Variants in SMARCE1 observed in about 807,000 individuals in gnomAD.
The protein encoded by SMARCE1 is SWI/SNF related BAF chromatin remodeling complex subunit E1.
A neutral mutation model predicts 54.9 loss-of-function variants in SMARCE1; 13 were observed. That is an observed-to-expected ratio of 0.24 (90% confidence interval 0.15 to 0.38). SMARCE1 has a LOEUF of 0.38. Among genes scored for constraint, SMARCE1 ranks in the 10% least tolerant of loss-of-function variants. SMARCE1 has a pLI of 1.00. For missense variants in SMARCE1, 295 were observed against 523.8 expected (o/e 0.56, Z 4.26); for synonymous variants, 151 against 175.3 (o/e 0.86, Z 1.10).
chr17:40,646,676 T>C (rs894041783), intron 1 of SMARCE1, among the ~76,000 whole-genome samples: 5 of 152,222 alleles, frequency 3.3e-5, no homozygotes, highest in African/African-American at 1.2e-4. Flanking sequence ...ACATGTGAGC[T>C]TGTTCTTTAC....
chr17:40,631,015 A>C, intron 9 of SMARCE1, 91 bp from the exon 10 acceptor site: 1 of 945,130 alleles, frequency 1.1e-6, no homozygotes, highest in East Asian at 2.6e-5. Context: ...TCTTGCCTAT[A>C]AACTATATAT....
intron 10 of SMARCE1, 76 bp from the exon 11 acceptor site, chr17:40,629,069 C>T: frequency 8.0e-7 from 1 of 1,250,558 alleles, no homozygotes. Context: ...TACAGCTGTG[C>T]TGTCCAATAT....
rs2037042788 is a variant in SMARCE1 at position 40,627,014 on chromosome 17, A to T, written c.*1771T>A. The T allele has an allele frequency of 6.6e-6, 1 of 152,204 alleles. No homozygotes were observed. Among genetic ancestry groups the T allele is most frequent in the Non-Finnish European group, 1.5e-5 (1 of 68,048 alleles). 9.4% of individuals were successfully genotyped at this position (152,204 alleles called of 1,614,324 possible). A position where few individuals can be genotyped will look rare whatever the true frequency, so the allele number is the denominator to read the frequency against. On this transcript the variant is annotated 3_prime_UTR_variant, in exon 11 of 11. Coordinates refer to ENST00000348513, the MANE Select transcript of SMARCE1 (RefSeq NM_003079.5). The stretch of plus-strand genomic sequence containing the variant: ...CTTAGAGCTTTCGATACCACAGTAA[A>T]TAACCTGGTATCTTGCTGGGGCAGT...
chr17:40,630,047 T>C, intron 10 of SMARCE1: 1 of 456,020 alleles, frequency 2.2e-6, no homozygotes, highest in Non-Finnish European at 3.9e-6. Context: ...TTGGTTTTGT[T>C]TTCCATAACT....
intron 9 of SMARCE1, 33 bp from the exon 10 acceptor site, chr17:40,630,957 T>C: frequency 1.3e-6 from 2 of 1,565,944 alleles, no homozygotes; most frequent in Non-Finnish European, 1.7e-6. Context: ...CCGTAATGTT[T>C]TTTCCTTATA....
chr17:40,645,196 CAT>C (rs2037242667), intron 3 of SMARCE1: 1 of 323,284 alleles, frequency 3.1e-6, no homozygotes, highest in African/African-American at 2.1e-5. Flanking sequence ...GAGAGAAAAA[CAT>C]AACCAGTTGA....
intron 10 of SMARCE1, chr17:40,629,204 T>G (rs978234464): frequency 1.1e-5 from 6 of 551,054 alleles, no homozygotes; most frequent in African/African-American, 7.5e-5. Flanking sequence ...TGAATGAAAT[T>G]TATTAAATAA....
chr17:40,634,350 C>A (rs1274884785), intron 7 of SMARCE1: 1 of 152,442 alleles, frequency 6.6e-6, no homozygotes, highest in Non-Finnish European at 1.5e-5. Context: ...CCAGGCTGGT[C>A]TCAAACTCTT....
intron 10 of SMARCE1, chr17:40,630,359 A>C: frequency 1.4e-6 from 1 of 725,358 alleles, no homozygotes. Flanking sequence ...ACTCAACTAT[A>C]CTGTTTTATC....
intron 10 of SMARCE1, chr17:40,630,322 G>A (rs766344935): frequency 1.6e-5 from 15 of 910,712 alleles, no homozygotes; most frequent in Middle Eastern, 2.1e-4. Flanking sequence ...TTTAGACTTC[G>A]CAGGCCAGGC....
At chr17:40,645,914 C>T in intron 1 of SMARCE1, 67 bp from the exon 2 acceptor site, 2 of 486,556 alleles carry the variant, frequency 4.1e-6, no homozygotes, top group Non-Finnish European at 7.0e-6. Context: ...GAATGTTTTC[C>T]TAATGAATAG....
rs2037204710 is a variant in SMARCE1 at position 40,642,044 on chromosome 17, C to T, written c.156+411G>A. 4.1e-6 allele frequency: 1 copy of T among 246,312 alleles called. No individual in the cohort carries two copies. Among genetic ancestry groups the T allele is most frequent in the Non-Finnish European group, 7.6e-6 (1 of 131,226 alleles). 15.3% of individuals were successfully genotyped at this position (246,312 alleles called of 1,614,324 possible). A position where few individuals can be genotyped will look rare whatever the true frequency, so the allele number is the denominator to read the frequency against. ...AACTGGTGTACCAGCCAAAAGCTTT[C>T]CAGCCCTGAAAAAGCCAGGTCTGAA... is the stretch of plus-strand genomic sequence containing the variant. On this transcript the variant is annotated intron_variant, in intron 4 of 10. Transcript: ENST00000348513. This position sits in a 1 kb window ranked among gnomAD's most constrained non-coding sequence, Gnocchi z 4.6.
chr17:40,633,517 C>T (rs1381083209), intron 7 of SMARCE1: 1 of 152,086 alleles, frequency 6.6e-6, no homozygotes, highest in Non-Finnish European at 1.5e-5. Context: ...ACTTAATCAC[C>T]TCAGTGACCC....
At position 40,628,880 on chromosome 17, in the gene SMARCE1, C is replaced by T; in HGVS notation, c.1141G>A (p.Gly381Arg). Residue 381 changes from glycine (G) to arginine (R), a missense_variant, in exon 11 of 11, where the codon GGA becomes AGA. By Grantham distance (125) the Gly-to-Arg change is moderately radical. Coordinates refer to ENST00000348513, the MANE Select transcript of SMARCE1 (RefSeq NM_003079.5). ...GAGCCAGTGTTACTATCACTGGTTC[C>T]TTCCTCTGCCATACTGTCGACCCCC... ...QEGVDSMAEE[G>R]TSDSNTGSES... The T allele has an allele frequency of 1.9e-6, 3 of 1,613,764 alleles. No homozygotes were observed. Among genetic ancestry groups the T allele is most frequent in the Non-Finnish European group, 2.5e-6 (3 of 1,179,758 alleles).
rs2037052406 is a variant in SMARCE1, at chr17:40,627,988, G to C, written c.*797C>G. 1 of 152,610 alleles carries C rather than the reference G, an allele frequency of 6.6e-6. No homozygotes were observed. The highest frequency in any genetic ancestry group is 2.1e-4 in the South Asian group (1 of 4,834). 9.5% of individuals were successfully genotyped at this position (152,610 alleles called of 1,614,324 possible). ...TTTTTCTTCTGGAATGGGCTAATCA[G>C]TTTGAATTATCTAGTCCATTACAAG... is the stretch of plus-strand genomic sequence containing the variant. On this transcript the variant is annotated 3_prime_UTR_variant, in exon 11 of 11. Transcript: ENST00000348513.
intron 5 of SMARCE1, chr17:40,636,782 A>G: frequency 3.1e-6 from 1 of 321,436 alleles, no homozygotes; most frequent in Non-Finnish European, 5.8e-6. Flanking sequence ...ATAAGCAAGA[A>G]TATCTCCAAT....
At chr17:40,640,379 G>C (rs900517528) in intron 4 of SMARCE1, among the ~76,000 whole-genome samples, 3 of 152,160 alleles carry the variant, frequency 2.0e-5, no homozygotes, top group African/African-American at 7.2e-5. Context: ...GCTATACAAA[G>C]TATTTACTGT....
At position 40,636,058 on chromosome 17, in the gene SMARCE1, C is replaced by A. The variant is rs555651762; in HGVS notation, c.414G>T (p.Ala138=). ...ESMKAYHNSP[A]YLAYINAKSR... ...TTTTTGCATTTATGTAAGCAAGGTA[C>A]GCGGGGGAATTATGATAGGCCTTCA... Residue 138 remains alanine (A), a synonymous_variant, in exon 7 of 11, where the codon GCG becomes GCT. Coordinates refer to ENST00000348513, the MANE Select transcript of SMARCE1 (RefSeq NM_003079.5). 6.2e-7 allele frequency: 1 copy of A among 1,612,766 alleles called. No individual in the cohort carries two copies. Among genetic ancestry groups the A allele is most frequent in the East Asian group, 2.2e-5 (1 of 44,848 alleles).
Position 40,631,901 on chromosome 17 carries a change from T to C in SMARCE1, c.715-208A>G, listed in dbSNP as rs16966018. On this transcript the variant is annotated intron_variant, in intron 8 of 10. Coordinates refer to ENST00000348513, the MANE Select transcript of SMARCE1 (RefSeq NM_003079.5). ...ACTGTTTCAGGCCTGAGCAATTCCT[T>C]GGGAAAAAATATTTAGCATAGCAGT... is the stretch of plus-strand genomic sequence containing the variant. 73,219 of 542,954 alleles carry C rather than the reference T, an allele frequency of 0.13. 6,530 individuals carry two copies. Among genetic ancestry groups the C allele is most frequent in the Admixed American group, 0.32 (9,527 of 29,606 alleles). The allele number at this position is 542,954 out of a possible 1,614,324, so 33.6% of individuals were successfully genotyped here. A position where few individuals can be genotyped will look rare whatever the true frequency, so the allele number is the denominator to read the frequency against.
Sources: gnomAD v4.1 joint callset for allele counts (sites outside exome capture counted in the v4.1 genomes callset) on GRCh38, gnomAD v4.1.1 for gene constraint, Gnocchi (gnomAD v3.1) non-coding constraint, MANE v1.5 for transcripts, NCBI Gene and HGNC (gene_info 2026-07-23, HGNC 2026-07-21) for gene names.